OR3A2: variants seen among roughly 807,000 people sequenced by gnomAD.
OR3A2 encodes the protein olfactory receptor 3A2.
For synonymous variants in OR3A2, 126 were observed against 159.3 expected, an observed-to-expected ratio of 0.79 and a Z score of 1.57; for missense variants, 318 against 392.8, an observed-to-expected ratio of 0.81 and a Z score of 1.61.
intron 2 of OR3A2, among the ~76,000 whole-genome samples, chr17:3,355,690 T>C (rs2049461123): frequency 6.6e-6 from 1 of 151,504 alleles, no homozygotes; most frequent in South Asian, 2.1e-4. Flanking sequence ...TCTATTATTT[T>C]CAGTCTGTGT....
intron 2 of OR3A2, among the ~76,000 whole-genome samples, chr17:3,342,331 TGGA>T (rs1380095102): frequency 5.3e-5 from 8 of 152,262 alleles, no homozygotes; most frequent in Non-Finnish European, 1.5e-5. Context: ...TGCAATCCTT[TGGA>T]GGAGAAGAGG....
At chr17:3,356,594 G>T (rs1324999875) in intron 2 of OR3A2, among the ~76,000 whole-genome samples, 1 of 151,288 alleles carries the variant, frequency 6.6e-6, no homozygotes, top group Non-Finnish European at 1.5e-5. Context: ...ATAATAATGA[G>T]ATAACTTTGA....
rs527841606 is a variant in OR3A2 at position 3,311,243 on chromosome 17, C to T, written c.-85+24790G>A. ...TCAGTCACTGTTCCTCCGATGCTGGCGTGTCTCCAGGCCCACCAGTGCAGA... is the reference window on the plus strand; with the variant it reads ...TCAGTCACTGTTCCTCCGATGCTGGTGTGTCTCCAGGCCCACCAGTGCAGA... On this transcript the variant is annotated intron_variant, in intron 3 of 4. Coordinates refer to the OR3A2 transcript ENST00000573491. The surrounding 1 kb of genome is among the most constrained non-coding windows in gnomAD (Gnocchi z 4.6). 10 of 535,696 alleles carry T rather than the reference C, an allele frequency of 1.9e-5. No individual in the cohort carries two copies. The highest frequency in any genetic ancestry group is 5.8e-5 in the Admixed American group (3 of 51,640). The allele number at this position is 535,696 out of a possible 1,614,324, so 33.2% of individuals were successfully genotyped here. A position where few individuals can be genotyped will look rare whatever the true frequency, so the allele number is the denominator to read the frequency against.
At chr17:3,322,006 G>A (rs541348652) in intron 3 of OR3A2, among the ~76,000 whole-genome samples, 3 of 152,158 alleles carry the variant, frequency 2.0e-5, no homozygotes, top group African/African-American at 7.2e-5. Context: ...AATCCATCTG[G>A]TCCTGGACTT....
At chr17:3,304,125 C>G (rs9898721) in intron 3 of OR3A2, among the ~76,000 whole-genome samples, 25,172 of 151,852 alleles carry the variant, frequency 0.17, 2,962 homozygotes, top group African/African-American at 0.33. Flanking sequence ...CTTTGTAGGA[C>G]TCTACACAAC....
At chr17:3,362,338 T>C (rs1201956833) in intron 2 of OR3A2, among the ~76,000 whole-genome samples, 2 of 151,724 alleles carry the variant, frequency 1.3e-5, no homozygotes, top group Non-Finnish European at 2.9e-5. Context: ...TAGCAGTCTA[T>C]CAATTTTGTT....
intron 3 of OR3A2, among the ~76,000 whole-genome samples, chr17:3,297,637 T>C (rs1346687952): frequency 2.0e-5 from 3 of 151,750 alleles, no homozygotes; most frequent in African/African-American, 7.3e-5. Flanking sequence ...ACACCTCCTC[T>C]ACTCCATTGT....
chr17:3,295,675 A>G (rs1024937562), intron 3 of OR3A2, among the ~76,000 whole-genome samples: 9 of 152,156 alleles, frequency 5.9e-5, no homozygotes, highest in Non-Finnish European at 1.2e-4. Flanking sequence ...ATACAACTCT[A>G]GGCTGATGCC....
chr17:3,277,829 A>T, exon 2 of OR3A2: 1 of 862,828 alleles, frequency 1.2e-6, no homozygotes, highest in Non-Finnish European at 1.8e-6. Context: ...AGGGTTTCCT[A>T]GTAGGACAAA....
chr17:3,283,269 A>T (rs759719197), intron 1 of OR3A2, among the ~76,000 whole-genome samples: 1 of 152,172 alleles, frequency 6.6e-6, no homozygotes. Context: ...CTTTTTGCCC[A>T]GGCTGGAGTA....
At chr17:3,320,386 G>C (rs1480062848) in intron 3 of OR3A2, among the ~76,000 whole-genome samples, 1 of 146,562 alleles carries the variant, frequency 6.8e-6, no homozygotes, top group Non-Finnish European at 1.5e-5. Flanking sequence ...AGTTTAATTA[G>C]ATCCCATTTG....
At chr17:3,375,245 TC>T (rs59796994) in intron 2 of OR3A2, among the ~76,000 whole-genome samples, 9,676 of 45,354 alleles carry the variant, frequency 0.21, 2,001 homozygotes, top group African/African-American at 0.24. Flanking sequence ...TTTTTTTTTT[TC>T]CCCCCCTTTT....
At chr17:3,300,341 C>T (rs1021362057) in intron 3 of OR3A2, among the ~76,000 whole-genome samples, 1 of 152,086 alleles carries the variant, frequency 6.6e-6, no homozygotes, top group Admixed American at 6.5e-5. Flanking sequence ...GGGGGATCAC[C>T]TGAGGTCAGG....
At chr17:3,292,640 T>G in intron 3 of OR3A2, 1 of 1,425,100 alleles carries the variant, frequency 7.0e-7, no homozygotes, top group Non-Finnish European at 9.5e-7. Context: ...AATAATTTAT[T>G]TACTCAAGAA....
chr17:3,311,680 C>T lies in OR3A2; in HGVS notation c.-85+24353G>A, dbSNP rs2049045647. 2 of 277,240 alleles carry T rather than the reference C, an allele frequency of 7.2e-6. No homozygotes were observed. The highest frequency in any genetic ancestry group is 9.8e-5 in the South Asian group (2 of 20,314). 17.2% of individuals were successfully genotyped at this position (277,240 alleles called of 1,614,324 possible). A position where few individuals can be genotyped will look rare whatever the true frequency, so the allele number is the denominator to read the frequency against. ...CGTCACAGCTGCAATATTACAAATC[C>T]GCTCAGCTGAGGGGAGGAAGAAGGC... is the stretch of plus-strand genomic sequence containing the variant. On this transcript the variant is annotated intron_variant, in intron 3 of 4. Transcript: ENST00000573491. The surrounding 1 kb of genome is among the most constrained non-coding windows in gnomAD (Gnocchi z 4.6).
intron 3 of OR3A2, among the ~76,000 whole-genome samples, chr17:3,308,689 G>C (rs1352080597): frequency 6.6e-6 from 1 of 152,102 alleles, no homozygotes; most frequent in African/African-American, 2.4e-5. Flanking sequence ...GTAAGAGCAT[G>C]TCCATGCAGA....
rs993310730 is a variant in OR3A2, at chr17:3,375,969, C to A, written c.-179+7835G>T. Among the ~76,000 whole-genome samples the A allele has an allele frequency of 5.3e-4, 80 of 152,212 alleles. 1 individual carries two copies. Among genetic ancestry groups the A allele is most frequent in the Non-Finnish European group, 2.2e-4 (15 of 68,044 alleles). On this transcript the variant is annotated intron_variant, in intron 2 of 4. Transcript: ENST00000573491. ...TGTGATCTGTCTTCAGGTCTCCCAG[C>A]AGTGGATACAAGTACCTGCTCTGGT...
upstream of OR3A2, among the ~76,000 whole-genome samples, chr17:3,286,940 C>T (rs55637431): frequency 0.015 from 2,357 of 152,258 alleles, 69 homozygotes; most frequent in African/African-American, 0.053. Flanking sequence ...TTGTCAGTTT[C>T]GGCTTTTGTT....
At chr17:3,360,844 G>C (rs2049507699) in intron 2 of OR3A2, among the ~76,000 whole-genome samples, 1 of 151,688 alleles carries the variant, frequency 6.6e-6, no homozygotes, top group Non-Finnish European at 1.5e-5. Context: ...TTTGAAGTCA[G>C]ATAGCGTGAT....
Sources: gnomAD v4.1 joint callset for allele counts (sites outside exome capture counted in the v4.1 genomes callset) on GRCh38, gnomAD v4.1.1 for gene constraint, Gnocchi (gnomAD v3.1) non-coding constraint, MANE v1.5 for transcripts, NCBI Gene and HGNC (gene_info 2026-07-23, HGNC 2026-07-21) for gene names.